The following BMP6 variants were observed in gnomAD, a reference collection of about 807,000 sequenced individuals.
BMP6 encodes the protein bone morphogenetic protein 6.
In BMP6, 17 loss-of-function variants were observed where a neutral mutation model predicts 54.1. The ratio of observed to expected loss-of-function variants is 0.31; its 90% CI spans 0.22 to 0.47. BMP6 has a LOEUF of 0.47. BMP6 is among the 20% of genes least tolerant of loss of function. The pLI, the probability that BMP6 is intolerant of heterozygous loss-of-function variation, is 1.00. For missense variants in BMP6, 720 were observed against 690.4 expected, an observed-to-expected ratio of 1.04 and a Z score of -0.48; for synonymous variants, 328 against 291.2, an observed-to-expected ratio of 1.13 and a Z score of -1.28.
chr6:7,824,590 T>A (rs1758663709), intron 1 of BMP6, among the ~76,000 whole-genome samples: 1 of 152,224 alleles, frequency 6.6e-6, no homozygotes, highest in Non-Finnish European at 1.5e-5. Flanking sequence ...AAAGCCTGTT[T>A]CATGTGCAAA....
intron 1 of BMP6, among the ~76,000 whole-genome samples, chr6:7,761,899 T>A (rs1757618784): frequency 6.6e-6 from 1 of 152,230 alleles, no homozygotes; most frequent in Non-Finnish European, 1.5e-5. Context: ...CTTGGATTTC[T>A]TTTCTTTTCT....
chr6:7,807,362 C>G (rs927145280), intron 1 of BMP6, among the ~76,000 whole-genome samples: 6 of 152,170 alleles, frequency 3.9e-5, no homozygotes, highest in African/African-American at 1.4e-4. Flanking sequence ...GACGCACTCT[C>G]TGCTTATTGG....
chr6:7,838,802 C>T (rs560719288), intron 1 of BMP6, among the ~76,000 whole-genome samples: 3 of 152,092 alleles, frequency 2.0e-5, no homozygotes, highest in Admixed American at 1.3e-4. Flanking sequence ...ATTAGCCTGG[C>T]GTGGTGGCAG....
chr6:7,879,881 A>T (rs890041168), intron 5 of BMP6, 110 bp from the exon 6 acceptor site: 3 of 1,118,114 alleles, frequency 2.7e-6, no homozygotes, highest in Admixed American at 1.9e-5. Flanking sequence ...CTGCGTCTGT[A>T]TCCTTGCCTG....
chr6:7,872,256 A>G (rs1447301850), intron 4 of BMP6, among the ~76,000 whole-genome samples: 1 of 151,720 alleles, frequency 6.6e-6, no homozygotes, highest in Non-Finnish European at 1.5e-5. Flanking sequence ...GAGTGAGGGG[A>G]AAGTTTTTTC....
intron 4 of BMP6, among the ~76,000 whole-genome samples, chr6:7,864,262 A>G (rs1759383124): frequency 1.3e-5 from 2 of 152,364 alleles, no homozygotes; most frequent in East Asian, 1.9e-4. Flanking sequence ...ATTTGCAGCC[A>G]GAGAACTTGT....
rs114839016 is a variant in BMP6, at chr6:7,866,110, G to A, written c.1204+3612G>A. Among the ~76,000 whole-genome samples the A allele has an allele frequency of 2.5e-3, 384 of 152,330 alleles. 2 individuals carry two copies. The highest frequency in any genetic ancestry group is 8.3e-3 in the African/African-American group (344 of 41,562). ...GCACTGGATAGTGGTTTGGATCGAC[G>A]TCTCCCTGGATGGCTTTCACTTGCC... On this transcript the variant is annotated intron_variant, in intron 4 of 6. Coordinates refer to ENST00000283147, the MANE Select transcript of BMP6 (RefSeq NM_001718.6).
chr6:7,814,476 C>CT (rs1213314603), intron 1 of BMP6, among the ~76,000 whole-genome samples: 5 of 152,128 alleles, frequency 3.3e-5, no homozygotes, highest in Non-Finnish European at 7.4e-5. Flanking sequence ...TTTTGCTGTT[C>CT]TTTAGTTTGA....
At chr6:7,879,919 C>T in intron 5 of BMP6, 72 bp from the exon 6 acceptor site, 1 of 1,449,234 alleles carries the variant, frequency 6.9e-7, no homozygotes, top group Non-Finnish European at 9.7e-7. Context: ...CTTTTCACAG[C>T]ATTCCTGAAA....
intron 1 of BMP6, among the ~76,000 whole-genome samples, chr6:7,826,209 A>G (rs1257504645): frequency 3.3e-5 from 5 of 152,142 alleles, no homozygotes; most frequent in Non-Finnish European, 7.4e-5. Context: ...TGGTTCAAAA[A>G]GCTCTCAGGG....
intron 4 of BMP6, among the ~76,000 whole-genome samples, chr6:7,869,967 T>C (rs977577031): frequency 2.0e-5 from 3 of 152,056 alleles, no homozygotes; most frequent in Non-Finnish European, 4.4e-5. Context: ...GGAAGGGAGC[T>C]ATGGCCCCTC....
chr6:7,758,526 C>A (rs957690953), intron 1 of BMP6, among the ~76,000 whole-genome samples: 1 of 152,192 alleles, frequency 6.6e-6, no homozygotes, highest in African/African-American at 2.4e-5. Flanking sequence ...CGGTTTGCAA[C>A]CAAGCCTATT....
chr6:7,788,552 T>C (rs1016952537), intron 1 of BMP6, among the ~76,000 whole-genome samples: 1 of 152,152 alleles, frequency 6.6e-6, no homozygotes, highest in Non-Finnish European at 1.5e-5. Context: ...TTTTAAAGGG[T>C]GTAATATCCT....
At chr6:7,868,497 C>A (rs1042321882) in intron 4 of BMP6, among the ~76,000 whole-genome samples, 3 of 152,196 alleles carry the variant, frequency 2.0e-5, no homozygotes, top group Non-Finnish European at 4.4e-5. Flanking sequence ...TAAGATGGGG[C>A]CGATAAGGCC....
At chr6:7,827,656 G>A (rs1328671012) in intron 1 of BMP6, among the ~76,000 whole-genome samples, 1 of 152,264 alleles carries the variant, frequency 6.6e-6, no homozygotes, top group Non-Finnish European at 1.5e-5. Context: ...GCCCCAGGAA[G>A]TGGAGATGAA....
chr6:7,858,219 G>A (rs1759279487), intron 2 of BMP6, among the ~76,000 whole-genome samples: 1 of 152,142 alleles, frequency 6.6e-6, no homozygotes, highest in Non-Finnish European at 1.5e-5. Context: ...GAGTAGTTGG[G>A]ACTACAGGAG....
intron 4 of BMP6, among the ~76,000 whole-genome samples, chr6:7,878,461 C>A (rs180825188): frequency 6.6e-6 from 1 of 152,110 alleles, no homozygotes; most frequent in Non-Finnish European, 1.5e-5. Context: ...CCTGAGGAAC[C>A]CCTGGCTTAG....
rs561407175 is a variant in BMP6, at chr6:7,860,032, G to A, written c.858-1419G>A. Among the ~76,000 whole-genome samples the A allele has an allele frequency of 1.1e-4, 16 of 152,238 alleles. 1 individual carries two copies. Among genetic ancestry groups the A allele is most frequent in the African/African-American group, 3.9e-4 (16 of 41,536 alleles). ...ATTCATTCATCACAGGTCGTCTTTGGTAATCATCTCAATGAGACAGTATGT... is the reference window on the plus strand; with the variant it reads ...ATTCATTCATCACAGGTCGTCTTTGATAATCATCTCAATGAGACAGTATGT... On this transcript the variant is annotated intron_variant, in intron 2 of 6. Transcript: ENST00000283147.
At chr6:7,848,779 C>T (rs1046080040) in intron 2 of BMP6, among the ~76,000 whole-genome samples, 3 of 152,142 alleles carry the variant, frequency 2.0e-5, no homozygotes, top group Admixed American at 6.5e-5. Flanking sequence ...TAGAAGTTTA[C>T]TTCATGGTAT....
Sources: allele counts gnomAD v4.1 joint callset (sites outside exome capture counted in the v4.1 genomes callset), GRCh38; gene constraint gnomAD v4.1.1; transcripts MANE v1.5; gene names NCBI Gene and HGNC (gene_info 2026-07-23, HGNC 2026-07-21).